The following RPAP2 variants were observed in gnomAD, a reference collection of about 807,000 sequenced individuals.
The protein encoded by RPAP2 is putative RNA polymerase II subunit B1 CTD phosphatase RPAP2.
In RPAP2, 52 loss-of-function variants were observed where a neutral mutation model predicts 73.1. That is an observed-to-expected ratio of 0.71 (90% CI 0.57 to 0.90). RPAP2 has a LOEUF of 0.90. RPAP2 is among the 40% of genes least tolerant of loss of function. The probability of loss-of-function intolerance (pLI) is 0.00; values close to 1 mark genes in which losing one functional copy is unlikely to be tolerated. For missense variants in RPAP2, 598 were observed against 701.8 expected (o/e 0.85, Z 1.67); for synonymous variants, 225 against 242.1 (o/e 0.93, Z 0.65).
rs200808917 is a variant in RPAP2 at position 92,299,856 on chromosome 1, AC to A, written c.74-336del. Among the ~76,000 whole-genome samples, 1,020 of 152,278 alleles carry A rather than the reference AC, an allele frequency of 6.7e-3. 18 individuals carry two copies. Among genetic ancestry groups the A allele is most frequent in the Admixed American group, 0.031 (475 of 15,306 alleles). On this transcript the variant is annotated intron_variant, in intron 1 of 12. Coordinates refer to ENST00000610020, the MANE Select transcript of RPAP2 (RefSeq NM_024813.3). ...TACCTAATGTGTTTGTGTAGACCTGACCTACTGCCACCATGTGTAGCTTAAC... is the reference window on the plus strand; with the variant it reads ...TACCTAATGTGTTTGTGTAGACCTGACTACTGCCACCATGTGTAGCTTAAC...
chr1:92,304,226 C>T, intron 4 of RPAP2, 58 bp from the exon 5 acceptor site: 1 of 1,240,704 alleles, frequency 8.1e-7, no homozygotes, highest in Non-Finnish European at 1.2e-6. Context: ...AATCTTGTAA[C>T]ATAACGTTCA....
At chr1:92,343,033 T>G (rs543457644) in intron 10 of RPAP2, among the ~76,000 whole-genome samples, 1 of 152,312 alleles carries the variant, frequency 6.6e-6, no homozygotes, top group East Asian at 1.9e-4. Flanking sequence ...ATATAGTTTC[T>G]AATATTTAAA....
chr1:92,338,690 G>A, intron 10 of RPAP2, among the ~76,000 whole-genome samples: 1 of 145,818 alleles, frequency 6.9e-6, no homozygotes, highest in East Asian at 2.0e-4. Context: ...TTGCTCAGTT[G>A]CCCAGGCTGG....
intron 10 of RPAP2, among the ~76,000 whole-genome samples, chr1:92,338,045 C>A (rs1320332483): frequency 1.3e-5 from 2 of 152,010 alleles, no homozygotes; most frequent in Non-Finnish European, 2.9e-5. Context: ...AAAGTTATTA[C>A]TGATTGTTTT....
intron 6 of RPAP2, among the ~76,000 whole-genome samples, chr1:92,308,344 G>A (rs774181266): frequency 6.7e-6 from 1 of 150,344 alleles, no homozygotes; most frequent in African/African-American, 2.5e-5. Flanking sequence ...AAAAGACTCT[G>A]GCATTGTTCG....
intron 7 of RPAP2, among the ~76,000 whole-genome samples, chr1:92,322,932 ATACTT>A (rs1652375070): frequency 6.8e-6 from 1 of 147,654 alleles, no homozygotes. Flanking sequence ...AACTACATAT[ATACTT>A]TATATATTAT....
At chr1:92,331,302 T>G (rs533264671) in intron 8 of RPAP2, among the ~76,000 whole-genome samples, 4 of 152,330 alleles carry the variant, frequency 2.6e-5, no homozygotes, top group Admixed American at 6.5e-5. Flanking sequence ...ATCTTTGTCC[T>G]TTATATGGAG....
intron 10 of RPAP2, among the ~76,000 whole-genome samples, chr1:92,340,575 G>A (rs1451166907): frequency 6.6e-6 from 1 of 152,194 alleles, no homozygotes; most frequent in Non-Finnish European, 1.5e-5. Flanking sequence ...AACAACTATA[G>A]ATGTCCGGCT....
intron 6 of RPAP2, among the ~76,000 whole-genome samples, chr1:92,316,154 G>T (rs1217708712): frequency 6.6e-6 from 1 of 152,188 alleles, no homozygotes; most frequent in Non-Finnish European, 1.5e-5. Flanking sequence ...TTTTAAAGAT[G>T]AAATTGGGGT....
chr1:92,349,472 A>G (rs993879590), intron 11 of RPAP2, among the ~76,000 whole-genome samples: 27 of 152,030 alleles, frequency 1.8e-4, no homozygotes, highest in Non-Finnish European at 3.7e-4. Flanking sequence ...TTAAAGGGGG[A>G]AAAAAATCAA....
intron 6 of RPAP2, among the ~76,000 whole-genome samples, chr1:92,308,915 G>A (rs763740027): frequency 2.6e-5 from 4 of 151,980 alleles, no homozygotes; most frequent in African/African-American, 7.3e-5. Context: ...AGCCAAGATC[G>A]TGCTGCTGAA....
intron 11 of RPAP2, among the ~76,000 whole-genome samples, chr1:92,378,387 T>G (rs1363257123): frequency 6.6e-6 from 1 of 152,020 alleles, no homozygotes; most frequent in African/African-American, 2.4e-5. Context: ...TTTTTATTTT[T>G]TATTTTTAGT....
intron 11 of RPAP2, among the ~76,000 whole-genome samples, chr1:92,373,791 C>T (rs1046323992): frequency 5.2e-5 from 7 of 135,392 alleles, no homozygotes; most frequent in Non-Finnish European, 9.3e-5. Flanking sequence ...GTGGTGGTGG[C>T]GCACCTGTAA....
chr1:92,334,049 GT>G (rs944906891), intron 9 of RPAP2, among the ~76,000 whole-genome samples: 3 of 151,358 alleles, frequency 2.0e-5, no homozygotes, highest in Non-Finnish European at 2.9e-5. Flanking sequence ...GAACTTGAAG[GT>G]TTTTTTTTCC....
intron 5 of RPAP2, among the ~76,000 whole-genome samples, chr1:92,305,442 A>AAAAAAAAAAAAAAAAAAAAAAAAAAAC (rs1651155184): frequency 6.8e-6 from 1 of 148,112 alleles, no homozygotes; most frequent in African/African-American, 2.5e-5. Context: ...CAAAAAAAAA[A>AAAAAAAAAAAAAAAAAAAAAAAAAAAC]AAAAAAAAAG....
intron 8 of RPAP2, among the ~76,000 whole-genome samples, chr1:92,329,710 A>T (rs890487677): frequency 1.6e-4 from 24 of 152,130 alleles, no homozygotes; most frequent in African/African-American, 5.3e-4. Flanking sequence ...TATTTTTAAT[A>T]TTAAACCAAC....
At chr1:92,328,161 C>T (rs574347403) in intron 8 of RPAP2, among the ~76,000 whole-genome samples, 3 of 152,210 alleles carry the variant, frequency 2.0e-5, no homozygotes, top group Admixed American at 2.0e-4. Flanking sequence ...GATGAGTTTC[C>T]CAGGTGTTCT....
In RPAP2 at chr1:92,323,758, G is replaced by A. The variant is rs1652454955; in HGVS notation, c.838G>A (p.Asp280Asn). The A allele has an allele frequency of 6.2e-7, 1 of 1,613,998 alleles. No individual in the cohort carries two copies. The highest frequency in any genetic ancestry group is 1.3e-5 in the African/African-American group (1 of 74,940). ...TGAGCAGTTAGGCGATTGCAAATTA[G>A]ATAGTCAGGAGAAAGATGCTACATG... Reference protein sequence around the residue: ...VTEQLGDCKLDSQEKDATCEL... With the variant: ...VTEQLGDCKLNSQEKDATCEL... Residue 280 changes from aspartate (D) to asparagine (N), a missense_variant, in exon 8 of 13, where the codon GAT (aspartate) becomes AAT (asparagine). By Grantham distance (23) the Asp-to-Asn change is conservative (BLOSUM62 1). Coordinates refer to ENST00000610020, the MANE Select transcript of RPAP2 (RefSeq NM_024813.3).
At chr1:92,344,726 T>G (rs1351038309) in intron 10 of RPAP2, among the ~76,000 whole-genome samples, 1 of 152,210 alleles carries the variant, frequency 6.6e-6, no homozygotes, top group Non-Finnish European at 1.5e-5. Context: ...AGGCACTATT[T>G]CTTCCCATCC....
Sources: gnomAD v4.1 joint callset for allele counts (sites outside exome capture counted in the v4.1 genomes callset) on GRCh38, gnomAD v4.1.1 for gene constraint, MANE v1.5 for transcripts, NCBI Gene and HGNC (gene_info 2026-07-23, HGNC 2026-07-21) for gene names.